Variants in GPATCH2 observed in about 807,000 individuals in gnomAD.
The protein encoded by GPATCH2 is G-patch domain containing 2.
A neutral mutation model predicts 58.0 loss-of-function variants in GPATCH2; 51 were observed. That is an observed-to-expected ratio of 0.88 (90% CI 0.70 to 1.11). GPATCH2 has a LOEUF of 1.11. Among genes scored for constraint, GPATCH2 ranks in the 50% most tolerant of loss-of-function variants. The probability of loss-of-function intolerance (pLI) is 0.00; values close to 1 mark genes in which losing one functional copy is unlikely to be tolerated. For missense variants in GPATCH2, 625 were observed against 652.2 expected, an observed-to-expected ratio of 0.96 and a Z score of 0.45; for synonymous variants, 222 against 218.5, an observed-to-expected ratio of 1.02 and a Z score of -0.14.
chr1:217,444,914 T>C (rs918725002), intron 9 of GPATCH2, among the ~76,000 whole-genome samples: 2 of 152,252 alleles, frequency 1.3e-5, no homozygotes, highest in Non-Finnish European at 2.9e-5. Flanking sequence ...ATATTTGGCA[T>C]GACTTTTAAT....
At chr1:217,464,611 C>T (rs1431245043) in intron 8 of GPATCH2, among the ~76,000 whole-genome samples, 1 of 152,148 alleles carries the variant, frequency 6.6e-6, no homozygotes. Context: ...CAAGGAAAAA[C>T]AGTGGAAGTA....
At chr1:217,573,052 C>T (rs1315941243) in intron 5 of GPATCH2, among the ~76,000 whole-genome samples, 1 of 152,060 alleles carries the variant, frequency 6.6e-6, no homozygotes, top group Non-Finnish European at 1.5e-5. Context: ...AGTTCATAAC[C>T]CCTTCATCTA....
In GPATCH2 at chr1:217,511,817, C is replaced by CTGTGTGTGTG. The variant is rs35836441; in HGVS notation, c.1166+2995_1166+3004dup. On this transcript the variant is annotated intron_variant, in intron 6 of 9. Transcript: ENST00000366935. The stretch of plus-strand genomic sequence containing the variant: ...CAACCTATGTAACTTAACTGGAAGT[C>CTGTGTGTGTG]TGTGTGTGTGTGTGTGTGTGTGTTT... 8.8e-3 allele frequency among the ~76,000 whole-genome samples: 1,311 copies of CTGTGTGTGTG among 149,026 alleles called. 8 individuals carry two copies. Among genetic ancestry groups the CTGTGTGTGTG allele is most frequent in the Middle Eastern group, 0.042 (12 of 288 alleles).
At chr1:217,605,347 G>A (rs547459522) in intron 5 of GPATCH2, among the ~76,000 whole-genome samples, 33 of 152,272 alleles carry the variant, frequency 2.2e-4, no homozygotes, top group Non-Finnish European at 3.5e-4. Context: ...ATTGGATTAA[G>A]AGCTAATGTT....
At chr1:217,493,959 G>GA (rs144855556) in intron 7 of GPATCH2, among the ~76,000 whole-genome samples, 15,748 of 149,108 alleles carry the variant, frequency 0.11, 1,638 homozygotes, top group African/African-American at 0.28. Context: ...AAATGTTATG[G>GA]AAAAAAAAAT....
At chr1:217,475,561 C>T (rs1660930437) in intron 8 of GPATCH2, among the ~76,000 whole-genome samples, 1 of 151,898 alleles carries the variant, frequency 6.6e-6, no homozygotes, top group Non-Finnish European at 1.5e-5. Flanking sequence ...GAGAAAACTG[C>T]CTCCAAATCT....
At chr1:217,518,140 AAGTT>A (rs979167005) in intron 5 of GPATCH2, among the ~76,000 whole-genome samples, 3 of 152,138 alleles carry the variant, frequency 2.0e-5, no homozygotes, top group Non-Finnish European at 2.9e-5. Context: ...AGTAAACTGA[AAGTT>A]AGAAAGGAAT....
chr1:217,487,300 G>A (rs1341442572), intron 8 of GPATCH2, among the ~76,000 whole-genome samples: 3 of 152,132 alleles, frequency 2.0e-5, no homozygotes, highest in East Asian at 1.9e-4. Context: ...AGCTGGGACC[G>A]AATTTCTAAT....
chr1:217,433,179 A>C (rs890667523), intron 9 of GPATCH2, among the ~76,000 whole-genome samples: 8 of 151,644 alleles, frequency 5.3e-5, no homozygotes, highest in African/African-American at 1.9e-4. Context: ...TCTCTGTCCT[A>C]CTCTTTCTCT....
intron 5 of GPATCH2, among the ~76,000 whole-genome samples, chr1:217,607,049 C>CA (rs1269400970): frequency 6.6e-6 from 1 of 152,168 alleles, no homozygotes; most frequent in East Asian, 1.9e-4. Context: ...GGTCTGACTT[C>CA]AAAATCTATA....
intron 5 of GPATCH2, among the ~76,000 whole-genome samples, chr1:217,589,678 A>G (rs564358990): frequency 6.6e-6 from 1 of 152,192 alleles, no homozygotes; most frequent in Non-Finnish European, 1.5e-5. Context: ...GAAAATGAAG[A>G]GCACACATTT....
At chr1:217,564,175 C>T (rs370233344) in intron 5 of GPATCH2, among the ~76,000 whole-genome samples, 3 of 151,456 alleles carry the variant, frequency 2.0e-5, no homozygotes, top group Non-Finnish European at 2.9e-5. Flanking sequence ...ATATCTTACT[C>T]GAAGTCCGAT....
chr1:217,548,304 G>A (rs1665169603), intron 5 of GPATCH2, among the ~76,000 whole-genome samples: 1 of 151,986 alleles, frequency 6.6e-6, no homozygotes, highest in South Asian at 2.1e-4. Context: ...AAAAACCAAT[G>A]GGTACTAGAT....
chr1:217,509,847 A>G (rs1662757606), intron 6 of GPATCH2, among the ~76,000 whole-genome samples: 1 of 152,226 alleles, frequency 6.6e-6, no homozygotes, highest in Admixed American at 6.5e-5. Flanking sequence ...TTATAATTAT[A>G]CAACAAATAA....
At chr1:217,566,602 G>T (rs1048069492) in intron 5 of GPATCH2, among the ~76,000 whole-genome samples, 1 of 152,116 alleles carries the variant, frequency 6.6e-6, no homozygotes, top group African/African-American at 2.4e-5. Context: ...AATTATTAAT[G>T]AAACATATGG....
At chr1:217,526,525 T>A (rs768727025) in intron 5 of GPATCH2, among the ~76,000 whole-genome samples, 1 of 152,194 alleles carries the variant, frequency 6.6e-6, no homozygotes, top group Non-Finnish European at 1.5e-5. Flanking sequence ...AAAATATTAG[T>A]TAACAAATAG....
chr1:217,497,485 T>C (rs1442516331), intron 7 of GPATCH2, among the ~76,000 whole-genome samples: 2 of 152,258 alleles, frequency 1.3e-5, no homozygotes, highest in Non-Finnish European at 1.5e-5. Context: ...AAATGAAGTG[T>C]GTAGCACCTT....
chr1:217,481,924 G>A (rs543899874), intron 8 of GPATCH2, among the ~76,000 whole-genome samples: 11 of 152,120 alleles, frequency 7.2e-5, no homozygotes, highest in Non-Finnish European at 1.3e-4. Context: ...AAACATACAG[G>A]AAAAATAGAA....
At chr1:217,616,346 T>C (rs928597583) in intron 2 of GPATCH2, among the ~76,000 whole-genome samples, 11 of 152,192 alleles carry the variant, frequency 7.2e-5, no homozygotes, top group African/African-American at 2.7e-4. Flanking sequence ...AGACTTTCTA[T>C]GGATGGGCCT....
Sources: allele counts gnomAD v4.1 joint callset (sites outside exome capture counted in the v4.1 genomes callset), GRCh38; gene constraint gnomAD v4.1.1; transcripts MANE v1.5; gene names NCBI Gene and HGNC (gene_info 2026-07-23, HGNC 2026-07-21).